Variants in ZNF518A observed in about 807,000 individuals in gnomAD.
ZNF518A encodes zinc finger protein 518.
A neutral mutation model predicts 102.7 loss-of-function variants in ZNF518A; 47 were observed. The observed-to-expected ratio is 0.46, with a 90% CI of 0.36 to 0.58. ZNF518A has a LOEUF of 0.58. Ranked by LOEUF, ZNF518A falls within the 20% of genes least tolerant of loss-of-function variation. The pLI, the probability that ZNF518A is intolerant of heterozygous loss-of-function variation, is 0.00. For synonymous variants in ZNF518A, 652 were observed against 594.6 expected, an observed-to-expected ratio of 1.10 and a Z score of -1.40; for missense variants, 1,793 against 1,699.8, an observed-to-expected ratio of 1.05 and a Z score of -0.96.
At chr10:96,202,838 T>C (rs587720411) in intron 1 of ZNF518A, among the ~76,000 whole-genome samples, 1 of 152,332 alleles carries the variant, frequency 6.6e-6, no homozygotes, top group Non-Finnish European at 1.5e-5. Context: ...CTAGGCCTAT[T>C]CTGTTTTCAA....
At chr10:96,188,128 G>T (rs2083283616) in intron 1 of ZNF518A, among the ~76,000 whole-genome samples, 1 of 152,226 alleles carries the variant, frequency 6.6e-6, no homozygotes, top group Admixed American at 6.5e-5. Flanking sequence ...GTGATTATAG[G>T]TGTAAGCCAC....
Position 96,157,559 on chromosome 10 carries a change from G to C in ZNF518A, c.1237G>C (p.Gly413Arg). Residue 413 changes from glycine to arginine, a missense_variant, in exon 6 of 6, where the codon GGT (glycine) becomes CGT (arginine). Coordinates refer to ENST00000316045, the MANE Select transcript of ZNF518A (RefSeq NM_001330736.2). Reference protein sequence around the residue: ...RAEEGPNASSGFMKTAVLGPT... With the variant: ...RAEEGPNASSRFMKTAVLGPT... ...TGAAGAGGGACCAAACGCTAGTTCA[G>C]GTTTCATGAAGACTGCTGTACTAGG... The C allele has an allele frequency of 1.2e-6, 2 of 1,613,620 alleles. No homozygotes were observed. Among genetic ancestry groups the C allele is most frequent in the Non-Finnish European group, 1.7e-6 (2 of 1,179,716 alleles).
chr10:96,134,595 A>G lies in ZNF518A; in HGVS notation c.-302+947A>G, dbSNP rs587731641. 3.9e-5 allele frequency among the ~76,000 whole-genome samples: 6 copies of G among 152,348 alleles called. No homozygotes were observed. In the East Asian group the frequency reaches 1.2e-3, roughly 29 times the overall value. ...GTACTATTTGACCCAGACTACTCAGAAAAAGTAATGTAATGAAGAATGAAA... is the reference window on the plus strand; with the variant it reads ...GTACTATTTGACCCAGACTACTCAGGAAAAGTAATGTAATGAAGAATGAAA... On this transcript the variant is annotated intron_variant, in intron 3 of 5. Transcript: ENST00000316045.
At chr10:96,191,591 G>C (rs782596432) in intron 1 of ZNF518A, 2 of 173,614 alleles carry the variant, frequency 1.2e-5, no homozygotes, top group African/African-American at 4.8e-5. Context: ...TGGCAGTGGA[G>C]AGCCCAGCTA....
At position 96,160,433 on chromosome 10, in the gene ZNF518A, A is replaced by T. The variant is rs1554887243; in HGVS notation, c.4111A>T (p.Asn1371Tyr). The T allele has an allele frequency of 6.2e-7, 1 of 1,613,342 alleles. No individual in the cohort carries two copies. Among genetic ancestry groups the T allele is most frequent in the South Asian group, 1.1e-5 (1 of 90,942 alleles). ...VSVMKTIAKF[N>Y]GHVLKVSLSK... ...TGTAATGAAAACTATTGCTAAATTT[A>T]ATGGACATGTACTTAAGGTTTCATT... Residue 1371 changes from asparagine (N) to tyrosine (Y), a missense_variant, in exon 6 of 6, where the codon AAT becomes TAT. Asn to Tyr is a moderately radical substitution (Grantham distance 143). This residue lies in a region of ZNF518A where 1,741 missense variants were observed against 1,622.6 expected (regional missense o/e 1.07). Coordinates refer to ENST00000316045, the MANE Select transcript of ZNF518A (RefSeq NM_001330736.2).
Position 96,160,864 on chromosome 10 carries a change from C to T in ZNF518A, c.*90C>T, listed in dbSNP as rs1483915445. 35 of 1,282,254 alleles carry T rather than the reference C, an allele frequency of 2.7e-5. 1 individual carries two copies. The South Asian group carries it at 6.2e-4, about 23-fold the overall frequency. The allele number at this position is 1,282,254 out of a possible 1,614,324, so 79.4% of individuals were successfully genotyped here. A position where few individuals can be genotyped will look rare whatever the true frequency, so the allele number is the denominator to read the frequency against. ...ACCATAATGCAGACATTTTCTACTT[C>T]AGTATAGTACCTGAAATCGAACATT... On this transcript the variant is annotated 3_prime_UTR_variant, in exon 6 of 6. Transcript: ENST00000316045.
chr10:96,168,037 T>C (rs587662734), downstream of ZNF518A, among the ~76,000 whole-genome samples: 1 of 152,354 alleles, frequency 6.6e-6, no homozygotes, highest in East Asian at 1.9e-4. Context: ...ACTACATCTT[T>C]ATAATAATTA....
chr10:96,197,192 T>C, intron 1 of ZNF518A: 2 of 673,494 alleles, frequency 3.0e-6, no homozygotes, highest in East Asian at 5.7e-5. Flanking sequence ...ACATTATTTT[T>C]ATTATTGATT....
chr10:96,183,112 G>A (rs1350886744), intron 1 of ZNF518A, among the ~76,000 whole-genome samples: 1 of 152,170 alleles, frequency 6.6e-6, no homozygotes, highest in Non-Finnish European at 1.5e-5. Context: ...TTTGTGTAGA[G>A]GTGTTTATAG....
chr10:96,167,404 A>C (rs2083148108), downstream of ZNF518A, among the ~76,000 whole-genome samples: 1 of 152,230 alleles, frequency 6.6e-6, no homozygotes, highest in Non-Finnish European at 1.5e-5. Flanking sequence ...CAGTGAGCCG[A>C]GATTGCGCCA....
At chr10:96,166,995 AGAT>A (rs1554890447), downstream of ZNF518A, among the ~76,000 whole-genome samples, 1 of 152,232 alleles carries the variant, frequency 6.6e-6, no homozygotes, top group African/African-American at 2.4e-5. Flanking sequence ...CACTAAAGGA[AGAT>A]GATCAGTATG....
intron 3 of ZNF518A, among the ~76,000 whole-genome samples, chr10:96,145,368 T>C (rs7087926): frequency 0.85 from 128,935 of 152,208 alleles, 55,495 homozygotes; most frequent in Non-Finnish European, 0.93. Flanking sequence ...CCGCTCCTGG[T>C]CGCATCTTTT....
intron 3 of ZNF518A, among the ~76,000 whole-genome samples, chr10:96,148,295 C>T (rs1554879202): frequency 1.3e-5 from 2 of 152,098 alleles, no homozygotes; most frequent in African/African-American, 4.8e-5. Context: ...ACAAAATTAG[C>T]CTGGTGTGGT....
At chr10:96,167,294 C>T (rs1158930799), downstream of ZNF518A, among the ~76,000 whole-genome samples, 2 of 152,060 alleles carry the variant, frequency 1.3e-5, no homozygotes, top group African/African-American at 2.4e-5. Flanking sequence ...AACCCCGTCT[C>T]TACTAAAAAT....
rs116192452 is a variant in ZNF518A at position 96,199,691 on chromosome 10, A to G, written n.36-3883A>G. Among the ~76,000 whole-genome samples the G allele has an allele frequency of 1.7e-3, 255 of 152,340 alleles. 1 individual carries two copies. The highest frequency in any genetic ancestry group is 5.5e-3 in the African/African-American group (228 of 41,570). On this transcript the variant is annotated intron_variant and non_coding_transcript_variant, in intron 1 of 2. Transcript: ENST00000442635. ...TATCATAAGGACGACAACTGTGTCT[A>G]TTACAGGCTGAGGGCAAAACGTGTG...
At chr10:96,182,234 T>G (rs868975033) in intron 1 of ZNF518A, among the ~76,000 whole-genome samples, 2 of 152,182 alleles carry the variant, frequency 1.3e-5, no homozygotes, top group African/African-American at 2.4e-5. Flanking sequence ...TTGGGGCTGA[T>G]ACAACGGGGT....
At chr10:96,167,167 G>A (rs1306396600), downstream of ZNF518A, among the ~76,000 whole-genome samples, 1 of 152,180 alleles carries the variant, frequency 6.6e-6, no homozygotes, top group Admixed American at 6.5e-5. Context: ...TGTTACAAAT[G>A]TATGTTCAAA....
chr10:96,157,673 G>C lies in ZNF518A; in HGVS notation c.1351G>C (p.Asp451His). 1.2e-6 allele frequency: 2 copies of C among 1,613,828 alleles called. No homozygotes were observed. Among genetic ancestry groups the C allele is most frequent in the Non-Finnish European group, 1.7e-6 (2 of 1,179,796 alleles). ...TACGTTTATGGGCTTCAAGATGATG[G>C]ATGGAAAACAGCATATTGTATTAAA... Reference protein sequence around the residue: ...NATFMGFKMMDGKQHIVLKLV... With the variant: ...NATFMGFKMMHGKQHIVLKLV... The change falls in exon 6 of 6, where the codon GAT becomes CAT. Residue 451 changes from aspartate (D) to histidine (H), a missense_variant. Physicochemically the swap from Asp to His is moderately conservative, Grantham distance 81. Coordinates refer to ENST00000316045, the MANE Select transcript of ZNF518A (RefSeq NM_001330736.2).
chr10:96,198,863 T>C (rs369107208), intron 1 of ZNF518A, among the ~76,000 whole-genome samples: 8 of 152,300 alleles, frequency 5.3e-5, no homozygotes, highest in East Asian at 3.9e-4. Context: ...CACGCCTGGC[T>C]AATTTTTTTA....
Sources: allele counts gnomAD v4.1 joint callset (sites outside exome capture counted in the v4.1 genomes callset), GRCh38; gene constraint gnomAD v4.1.1; regional missense constraint gnomAD v4.1.1; transcripts MANE v1.5; gene names NCBI Gene and HGNC (gene_info 2026-07-23, HGNC 2026-07-21).